The following RALGPS1 variants were observed in gnomAD, a reference collection of about 807,000 sequenced individuals.
RALGPS1 encodes the protein Ral GEF with PH domain and SH3 binding motif 1, also known as ras-specific guanine nucleotide-releasing factor RalGPS1.
RALGPS1 carries 19 observed loss-of-function variants against 78.8 expected under a neutral mutation model. The ratio of observed to expected loss-of-function variants is 0.24; its 90% confidence interval spans 0.17 to 0.35. The LOEUF is 0.35. RALGPS1 is among the 10% of genes least tolerant of loss of function. The pLI, the probability that RALGPS1 is intolerant of heterozygous loss-of-function variation, is 1.00. For missense variants in RALGPS1, 454 were observed against 688.3 expected (o/e 0.66, Z 3.81); for synonymous variants, 228 against 256.3 (o/e 0.89, Z 1.06).
At chr9:127,136,403 T>G (rs75595590) in intron 8 of RALGPS1, among the ~76,000 whole-genome samples, 2,336 of 152,248 alleles carry the variant, frequency 0.015, 63 homozygotes, top group African/African-American at 0.054. Flanking sequence ...TTTTGAGCAT[T>G]GTGGAGCACC....
intron 1 of RALGPS1, among the ~76,000 whole-genome samples, chr9:126,937,019 T>C (rs562107461): frequency 7.9e-5 from 12 of 152,108 alleles, no homozygotes; most frequent in African/African-American, 2.9e-4. Context: ...CCCAGCTAAT[T>C]TTTGTATTTT....
In RALGPS1 at chr9:126,976,499, A is replaced by G. The variant is rs187884756; in HGVS notation, c.166-1196A>G. On this transcript the variant is annotated intron_variant, in intron 3 of 18. Coordinates refer to ENST00000259351, the MANE Select transcript of RALGPS1 (RefSeq NM_014636.3). ...GTTTATTGAGCATCTGTCAGGTGCC[A>G]GGAACGCTACCTCTTGTCTTGAATT... 2.0e-3 allele frequency among the ~76,000 whole-genome samples: 310 copies of G among 152,244 alleles called. 1 individual carries two copies. The highest frequency in any genetic ancestry group is 3.4e-3 in the Non-Finnish European group (234 of 68,010).
chr9:127,108,080 G>C (rs766591374), intron 8 of RALGPS1: 1 of 1,611,612 alleles, frequency 6.2e-7, no homozygotes, highest in Non-Finnish European at 8.5e-7. Flanking sequence ...GGGGCAGCGG[G>C]GGGTGGCTGG....
intron 8 of RALGPS1, among the ~76,000 whole-genome samples, chr9:127,082,595 T>C (rs866221874): frequency 5.2e-4 from 79 of 152,224 alleles, no homozygotes; most frequent in African/African-American, 1.9e-3. Context: ...CTGGGTATAG[T>C]GATCGATGCT....
Position 126,930,429 on chromosome 9 carries a change from TA to T in RALGPS1, c.-66+15461del, listed in dbSNP as rs1013318542. On this transcript the variant is annotated intron_variant, in intron 1 of 18. Transcript: ENST00000259351. ...ATGTTTACCTGGAAAACTAAGTTGG[TA>T]AAAAAATATTTATTTATTTTTAATT... Among the ~76,000 whole-genome samples the T allele has an allele frequency of 3.3e-5, 5 of 152,222 alleles. No individual in the cohort carries two copies. In the East Asian group the frequency reaches 5.8e-4, roughly 18 times the overall value.
chr9:127,137,300 A>G (rs1003526249), intron 8 of RALGPS1, among the ~76,000 whole-genome samples: 1 of 152,134 alleles, frequency 6.6e-6, no homozygotes, highest in Non-Finnish European at 1.5e-5. Context: ...GGCCAGTTGG[A>G]GTCCTTGTCT....
At chr9:126,950,267 T>C (rs2037687550) in intron 1 of RALGPS1, among the ~76,000 whole-genome samples, 1 of 152,260 alleles carries the variant, frequency 6.6e-6, no homozygotes, top group Non-Finnish European at 1.5e-5. Context: ...AGCTTTGTTC[T>C]TTTGGCTTAG....
At chr9:126,944,148 C>G (rs965071032) in intron 1 of RALGPS1, among the ~76,000 whole-genome samples, 1 of 152,238 alleles carries the variant, frequency 6.6e-6, no homozygotes, top group African/African-American at 2.4e-5. Flanking sequence ...GACATGCAGG[C>G]CTGGTGGGCA....
At chr9:126,996,114 T>G (rs62580793) in intron 4 of RALGPS1, among the ~76,000 whole-genome samples, 57,513 of 151,818 alleles carry the variant, frequency 0.38, 12,681 homozygotes, top group Non-Finnish European at 0.48. Flanking sequence ...ACATCACAAT[T>G]AAAAGAACTA....
At chr9:126,969,735 C>A (rs556580868) in intron 3 of RALGPS1, among the ~76,000 whole-genome samples, 1 of 152,344 alleles carries the variant, frequency 6.6e-6, no homozygotes, top group South Asian at 2.1e-4. Flanking sequence ...AAAACATTGC[C>A]TAACAGGACT....
At chr9:126,920,998 C>A (rs1185290752) in intron 1 of RALGPS1, among the ~76,000 whole-genome samples, 1 of 152,190 alleles carries the variant, frequency 6.6e-6, no homozygotes, top group Non-Finnish European at 1.5e-5. Flanking sequence ...GTGGGGATAG[C>A]AGTTTTACCT....
chr9:126,978,573 C>T (rs533826212), intron 4 of RALGPS1, among the ~76,000 whole-genome samples: 1 of 149,400 alleles, frequency 6.7e-6, no homozygotes, highest in Non-Finnish European at 1.5e-5. Context: ...TGTGCCATTA[C>T]ACTCCAGCCT....
chr9:127,134,433 T>C (rs929681592), intron 8 of RALGPS1, among the ~76,000 whole-genome samples: 34 of 152,196 alleles, frequency 2.2e-4, no homozygotes, highest in African/African-American at 8.0e-4. Context: ...AAGACCCCTT[T>C]CATTACCTCT....
intron 8 of RALGPS1, among the ~76,000 whole-genome samples, chr9:127,075,766 CTA>C (rs2050619657): frequency 6.6e-6 from 1 of 152,248 alleles, no homozygotes; most frequent in South Asian, 2.1e-4. Context: ...TTATTTGTCT[CTA>C]ATAGCAATTA....
chr9:126,969,016 C>G (rs906419335), intron 3 of RALGPS1, among the ~76,000 whole-genome samples: 1 of 151,694 alleles, frequency 6.6e-6, no homozygotes, highest in Non-Finnish European at 1.5e-5. Flanking sequence ...CCATTGCACT[C>G]CAGCCTGGGC....
intron 8 of RALGPS1, among the ~76,000 whole-genome samples, chr9:127,143,943 C>T (rs1403340930): frequency 1.3e-5 from 2 of 152,216 alleles, no homozygotes; most frequent in African/African-American, 4.8e-5. Flanking sequence ...TTCCGGGCAC[C>T]TGGGGAGTTG....
intron 12 of RALGPS1, 82 bp from the exon 13 acceptor site, chr9:127,196,392 C>G: frequency 6.7e-7 from 1 of 1,497,094 alleles, no homozygotes; most frequent in Non-Finnish European, 9.0e-7. Flanking sequence ...GCTGCACCAT[C>G]TGCTCCGGCC....
intron 11 of RALGPS1, among the ~76,000 whole-genome samples, chr9:127,181,773 GA>G (rs928470143): frequency 6.6e-6 from 1 of 152,048 alleles, no homozygotes; most frequent in South Asian, 2.1e-4. Flanking sequence ...GCAACTGGGG[GA>G]GAGGATACAG....
At chr9:126,964,811 C>G (rs2039303635) in intron 2 of RALGPS1, among the ~76,000 whole-genome samples, 1 of 152,204 alleles carries the variant, frequency 6.6e-6, no homozygotes, top group Admixed American at 6.5e-5. Flanking sequence ...CCTAAAAGCA[C>G]TCTAGTTTTC....
Sources: gnomAD v4.1 joint callset for allele counts (sites outside exome capture counted in the v4.1 genomes callset) on GRCh38, gnomAD v4.1.1 for gene constraint, MANE v1.5 for transcripts, NCBI Gene and HGNC (gene_info 2026-07-23, HGNC 2026-07-21) for gene names.